Variants in BRINP2 observed in about 807,000 individuals in gnomAD.
The protein encoded by BRINP2 is BMP/retinoic acid-inducible neural-specific protein 2.
A neutral mutation model predicts 69.2 loss-of-function variants in BRINP2; 21 were observed. That is an observed-to-expected ratio of 0.30 (90% confidence interval 0.22 to 0.44). BRINP2 has a LOEUF of 0.44. BRINP2 is among the 20% of genes least tolerant of loss of function. The pLI is 1.00. For missense variants in BRINP2, 877 were observed against 986.0 expected (o/e 0.89, Z 1.48); for synonymous variants, 380 against 394.1 (o/e 0.96, Z 0.42).
chr1:177,264,997 G>C (rs1283718593), intron 4 of BRINP2, among the ~76,000 whole-genome samples: 1 of 152,130 alleles, frequency 6.6e-6, no homozygotes, highest in African/African-American at 2.4e-5. Context: ...GCGTAGCCAA[G>C]ACAATCCTAA....
At chr1:177,196,647 C>T (rs949871089) in intron 1 of BRINP2, among the ~76,000 whole-genome samples, 4 of 151,780 alleles carry the variant, frequency 2.6e-5, no homozygotes, top group Non-Finnish European at 4.4e-5. Flanking sequence ...AAAAGAAATG[C>T]AAATTCTTAG....
intron 2 of BRINP2, among the ~76,000 whole-genome samples, chr1:177,237,237 C>T (rs943681098): frequency 6.6e-6 from 1 of 152,178 alleles, no homozygotes; most frequent in Non-Finnish European, 1.5e-5. Context: ...GCATCTCCTT[C>T]GTGCAATGCA....
intron 1 of BRINP2, among the ~76,000 whole-genome samples, chr1:177,214,921 G>A (rs1489865648): frequency 6.6e-6 from 1 of 152,116 alleles, no homozygotes; most frequent in Non-Finnish European, 1.5e-5. Flanking sequence ...GAATACTTGA[G>A]ATTTACTCTC....
chr1:177,280,570 C>T lies in BRINP2; in HGVS notation c.1394C>T (p.Ala465Val), dbSNP rs188481127. ...CCATGTGCCTTGGGCGAAGGGCCCGCGTGTGCCCACTGTGCTCCAGACAAT... is the reference window on the plus strand; with the variant it reads ...CCATGTGCCTTGGGCGAAGGGCCCGTGTGTGCCCACTGTGCTCCAGACAAT... ...PIPCALGEGP[A>V]CAHCAPDNST... Residue 465 changes from alanine (A) to valine (V), a missense_variant, in exon 8 of 8, where the codon GCG becomes GTG. Around this residue, in one of 3 missense-constraint regions of BRINP2, gnomAD observed 566 missense variants for 625.2 expected, o/e 0.91. Coordinates refer to ENST00000361539, the MANE Select transcript of BRINP2 (RefSeq NM_021165.4). The T allele has an allele frequency of 1.9e-5, 31 of 1,614,154 alleles. No individual in the cohort carries two copies. In the Middle Eastern group the frequency reaches 5.0e-4, roughly 26 times the overall value.
chr1:177,180,746 G>T (rs1041338417), intron 1 of BRINP2, among the ~76,000 whole-genome samples: 45 of 152,210 alleles, frequency 3.0e-4, no homozygotes, highest in African/African-American at 1.0e-3. Context: ...GAACCTAAAA[G>T]TATTCAAAAC....
chr1:177,257,007 C>A, intron 3 of BRINP2, 169 bp from the exon 4 acceptor site: 1 of 1,521,600 alleles, frequency 6.6e-7, no homozygotes, highest in Non-Finnish European at 8.8e-7. Flanking sequence ...GCCTGTGGCT[C>A]CCTCTGATGA....
chr1:177,250,571 C>T (rs561473592), intron 2 of BRINP2, among the ~76,000 whole-genome samples: 4 of 152,280 alleles, frequency 2.6e-5, no homozygotes, highest in South Asian at 2.1e-4. Context: ...GTGATCCACC[C>T]GCCTTGGCCT....
At chr1:177,261,340 G>A (rs1650941516) in intron 4 of BRINP2, among the ~76,000 whole-genome samples, 1 of 152,216 alleles carries the variant, frequency 6.6e-6, no homozygotes, top group Non-Finnish European at 1.5e-5. Context: ...CTTAGACAAA[G>A]CTGGTGTCAC....
intron 1 of BRINP2, among the ~76,000 whole-genome samples, chr1:177,209,961 A>G (rs1649178858): frequency 2.0e-5 from 3 of 152,214 alleles, no homozygotes; most frequent in South Asian, 4.1e-4. Flanking sequence ...ATTCATTTGC[A>G]ATACTTTTCT....
At chr1:177,272,487 G>T (rs191508016) in intron 4 of BRINP2, among the ~76,000 whole-genome samples, 1 of 152,360 alleles carries the variant, frequency 6.6e-6, no homozygotes, top group Non-Finnish European at 1.5e-5. Context: ...ATAAATATGA[G>T]CTTCCCTCTT....
intron 1 of BRINP2, among the ~76,000 whole-genome samples, chr1:177,194,571 A>G (rs1648685277): frequency 6.6e-6 from 1 of 152,166 alleles, no homozygotes. Flanking sequence ...TTTGCAGGCA[A>G]AACCTTGTGT....
chr1:177,282,306 C>CT lies in BRINP2; in HGVS notation c.*784dup, dbSNP rs940915962. On this transcript the variant is annotated 3_prime_UTR_variant, in exon 8 of 8. Coordinates refer to ENST00000361539, the MANE Select transcript of BRINP2 (RefSeq NM_021165.4). ...AGAGAGACAATGTGTAGGAAATGTT[C>CT]TTTTTTAAAAAAAAATAACAAAAAC... 3.3e-5 allele frequency: 5 copies of CT among 151,912 alleles called. No individual in the cohort carries two copies. Among genetic ancestry groups the CT allele is most frequent in the Admixed American group, 6.5e-5 (1 of 15,268 alleles). 9.4% of individuals were successfully genotyped at this position (151,912 alleles called of 1,614,324 possible).
intron 6 of BRINP2, among the ~76,000 whole-genome samples, chr1:177,276,830 AGTT>A (rs949385828): frequency 1.3e-5 from 2 of 152,204 alleles, no homozygotes; most frequent in Non-Finnish European, 2.9e-5. Flanking sequence ...AATACAATTC[AGTT>A]GTTGTTTGTT....
chr1:177,194,118 A>T (rs893710103), intron 1 of BRINP2, among the ~76,000 whole-genome samples: 2 of 152,174 alleles, frequency 1.3e-5, no homozygotes, highest in Non-Finnish European at 2.9e-5. Flanking sequence ...GTTTGGCTGT[A>T]TTTATTATTG....
intron 1 of BRINP2, among the ~76,000 whole-genome samples, chr1:177,197,084 T>C (rs549397955): frequency 6.6e-6 from 1 of 152,140 alleles, no homozygotes; most frequent in East Asian, 1.9e-4. Context: ...CATAAAGAAA[T>C]ACCTGAGACT....
intron 5 of BRINP2, chr1:177,275,036 C>T (rs1490078268): frequency 4.5e-6 from 2 of 441,384 alleles, no homozygotes; most frequent in Admixed American, 4.8e-5. Flanking sequence ...GAAAGAGGAG[C>T]TCACCATATC....
At chr1:177,191,134 A>C (rs994635335) in intron 1 of BRINP2, among the ~76,000 whole-genome samples, 2 of 152,218 alleles carry the variant, frequency 1.3e-5, no homozygotes, top group Admixed American at 1.3e-4. Context: ...ACTAGTTTAC[A>C]AATCCAGGAT....
chr1:177,175,496 GC>G (rs1648064102), intron 1 of BRINP2, among the ~76,000 whole-genome samples: 1 of 152,330 alleles, frequency 6.6e-6, no homozygotes, highest in South Asian at 2.1e-4. Context: ...AAAGCGCAGG[GC>G]CTGTGAGAGG....
chr1:177,226,442 G>A (rs1047246767), intron 1 of BRINP2, among the ~76,000 whole-genome samples: 1 of 152,190 alleles, frequency 6.6e-6, no homozygotes, highest in African/African-American at 2.4e-5. Flanking sequence ...TTCTCATGCA[G>A]ACAATAACAG....
Sources: allele counts gnomAD v4.1 joint callset (sites outside exome capture counted in the v4.1 genomes callset), GRCh38; gene constraint gnomAD v4.1.1; regional missense constraint gnomAD v4.1.1; transcripts MANE v1.5; gene names NCBI Gene and HGNC (gene_info 2026-07-23, HGNC 2026-07-21).